Variants in CENPI observed in about 807,000 individuals in gnomAD.
CENPI encodes the protein centromere protein I, also known as FSH primary response 1.
Under a neutral mutation model 60.4 loss-of-function variants are expected in CENPI, and 4 were observed. The observed-to-expected ratio is 0.07, with a 90% CI of 0.03 to 0.15. The LOEUF is 0.15. Ranked by LOEUF, CENPI falls within the 10% of genes least tolerant of loss-of-function variation. The pLI, the probability that CENPI is intolerant of heterozygous loss-of-function variation, is 1.00. For missense variants in CENPI, 444 were observed against 534.5 expected, an observed-to-expected ratio of 0.83 and a Z score of 1.67; for synonymous variants, 157 against 189.4, an observed-to-expected ratio of 0.83 and a Z score of 1.40.
downstream of CENPI, among the ~76,000 whole-genome samples, chrX:101,170,370 C>G (rs1460202545): frequency 1.8e-5 from 2 of 111,699 alleles, no homozygotes; most frequent in Non-Finnish European, 3.8e-5. Context: ...AATCGCCTAA[C>G]ACATTTCTCA....
In CENPI at chrX:101,163,035, A is replaced by G; in HGVS notation, c.*68A>G. On this transcript the variant is annotated 3_prime_UTR_variant, in exon 22 of 22. Transcript: ENST00000682095. ...CCTCATTGCTAGAGCAAAGTGGCTC[A>G]TCTTGAGTTCCCATTTTCATTTCAC... The G allele has an allele frequency of 9.3e-7, 1 of 1,080,309 alleles. No homozygotes were observed. Among genetic ancestry groups the G allele is most frequent in the Non-Finnish European group, 1.3e-6 (1 of 791,199 alleles). The allele number at this position is 1,080,309 out of a possible 1,213,427, so 89.0% of individuals were successfully genotyped here. A position where few individuals can be genotyped will look rare whatever the true frequency, so the allele number is the denominator to read the frequency against.
At chrX:101,127,752 T>G in intron 11 of CENPI, 87 bp downstream of exon 11, 1 of 787,207 alleles carries the variant, frequency 1.3e-6, no homozygotes, top group Non-Finnish European at 1.8e-6. Context: ...GTTTTGTTTT[T>G]TTGAGATAGG....
intron 6 of CENPI, among the ~76,000 whole-genome samples, chrX:101,112,994 C>T (rs1437153619): frequency 9.2e-6 from 1 of 108,278 alleles, no homozygotes; most frequent in Non-Finnish European, 1.9e-5. Context: ...TCTCTATCCT[C>T]CTTTTTTTGG....
intron 4 of CENPI, 97 bp from the exon 5 acceptor site, chrX:101,109,376 C>G: frequency 1.4e-6 from 1 of 690,534 alleles, no homozygotes. Flanking sequence ...CTGCCGCGCC[C>G]AGCCTAATGT....
chrX:101,157,160 C>T (rs186858295), intron 20 of CENPI, among the ~76,000 whole-genome samples: 65 of 111,775 alleles, frequency 5.8e-4, no homozygotes, highest in Non-Finnish European at 1.9e-4. Flanking sequence ...TCCACGCCAA[C>T]ATCTATTTTT....
At chrX:101,175,394 G>A in the CENPI span, among the ~76,000 whole-genome samples, 1 of 112,058 alleles carries the variant, frequency 8.9e-6, no homozygotes, top group Admixed American at 9.5e-5. Context: ...TCGCAACTTA[G>A]CCTCTACAGT....
chrX:101,133,160 G>A (rs997652203), intron 15 of CENPI, among the ~76,000 whole-genome samples: 6 of 110,068 alleles, frequency 5.5e-5, no homozygotes, highest in Admixed American at 9.9e-5. Flanking sequence ...AGCGTTTGTC[G>A]TAATTGAATG....
Position 101,145,139 on chromosome X carries a change from A to C in CENPI, c.1641A>C (p.Ala547=). Residue 547 remains alanine (A), a synonymous_variant, in exon 17 of 22, where the codon GCA becomes GCC. Transcript: ENST00000682095. ...IHYVGWLSTT[A]MRLESNNTFL... ...ATGTAGGGTGGCTATCCACTACTGC[A>C]ATGCGCTTGGAGAGCAACAATACTT... 8.3e-7 allele frequency: 1 copy of C among 1,205,364 alleles called. No individual in the cohort carries two copies.
intron 2 of CENPI, 103 bp from the exon 3 acceptor site, chrX:101,100,955 T>C: frequency 4.0e-6 from 2 of 501,387 alleles, no homozygotes; most frequent in South Asian, 6.8e-5. Context: ...GCCTGTTGTA[T>C]GCTAGCTATT....
rs748991961 is a variant in CENPI, at chrX:101,163,026, AAGTGGCTCATCTTG to A, written c.*63_*76del. The stretch of plus-strand genomic sequence containing the variant: ...AAACTCACTCCTCATTGCTAGAGCA[AAGTGGCTCATCTTG>A]AGTTCCCATTTTCATTTCACTGACA... On this transcript the variant is annotated 3_prime_UTR_variant, in exon 22 of 22. Coordinates refer to ENST00000682095, the MANE Select transcript of CENPI (RefSeq NM_001386188.2). The A allele has an allele frequency of 3.5e-6, 4 of 1,127,545 alleles. No individual in the cohort carries two copies. In the African/African-American group the frequency reaches 7.3e-5, roughly 21 times the overall value. The allele number at this position is 1,127,545 out of a possible 1,213,427, so 92.9% of individuals were successfully genotyped here.
intron 6 of CENPI, among the ~76,000 whole-genome samples, chrX:101,113,282 T>C (rs2089576215): frequency 1.2e-5 from 1 of 84,003 alleles, no homozygotes; most frequent in African/African-American, 4.6e-5. Context: ...TCCATCCCTT[T>C]ACACACACAC....
rs1366706945 is a variant in CENPI, at chrX:101,120,388, TTA to T, written c.592-12_592-11del. 7.2e-6 allele frequency: 6 copies of T among 836,780 alleles called. No individual in the cohort carries two copies. Among genetic ancestry groups the T allele is most frequent in the Non-Finnish European group, 1.1e-5 (6 of 564,001 alleles). The allele number at this position is 836,780 out of a possible 1,213,427, so 69.0% of individuals were successfully genotyped here. A position where few individuals can be genotyped will look rare whatever the true frequency, so the allele number is the denominator to read the frequency against. On this transcript the variant is annotated splice_polypyrimidine_tract_variant and intron_variant, in intron 6 of 21. Coordinates refer to ENST00000682095, the MANE Select transcript of CENPI (RefSeq NM_001386188.2). ...TATTATCATTTCTCTTAATATTTTTTTATGTTTTAACAGTGCCCTTATGTTTG... is the reference window on the plus strand; with the variant it reads ...TATTATCATTTCTCTTAATATTTTTTTGTTTTAACAGTGCCCTTATGTTTG...
chrX:101,139,963 T>A (rs373944108), intron 15 of CENPI, among the ~76,000 whole-genome samples: 1 of 109,887 alleles, frequency 9.1e-6, no homozygotes. Flanking sequence ...GCCTCCCAAG[T>A]AGTTGGGACT....
At chrX:101,115,615 C>T (rs1311164802) in intron 6 of CENPI, among the ~76,000 whole-genome samples, 4 of 110,548 alleles carry the variant, frequency 3.6e-5, no homozygotes, top group Admixed American at 9.7e-5. Flanking sequence ...CCTCTTGCCT[C>T]GGCCTCCCAA....
chrX:101,102,605 C>T (rs942215119), intron 4 of CENPI, among the ~76,000 whole-genome samples, 194 bp downstream of exon 4: 1 of 109,510 alleles, frequency 9.1e-6, no homozygotes, highest in Non-Finnish European at 1.9e-5. Flanking sequence ...AAGTGATCCT[C>T]CCGCCTTGGC....
At chrX:101,161,495 CTTTGT>C (rs1299111589) in intron 20 of CENPI, 28 bp from the exon 21 acceptor site, 1 of 1,188,486 alleles carries the variant, frequency 8.4e-7, no homozygotes, top group East Asian at 3.0e-5. Context: ...TTTTGTTTTG[CTTTGT>C]TTTGTTTTTT....
chrX:101,158,413 G>T (rs1813522903), intron 20 of CENPI, among the ~76,000 whole-genome samples: 1 of 107,861 alleles, frequency 9.3e-6, no homozygotes, highest in Non-Finnish European at 1.9e-5. Flanking sequence ...GAATATCTGG[G>T]ATTACAGGCA....
chrX:101,137,774 G>A (rs2089861778), intron 15 of CENPI, among the ~76,000 whole-genome samples: 1 of 104,764 alleles, frequency 9.5e-6, no homozygotes, highest in African/African-American at 3.5e-5. Context: ...TCTCTGTGTG[G>A]CTTCAAGAAA....
chrX:101,125,367 C>A (rs758160400), intron 8 of CENPI, among the ~76,000 whole-genome samples: 1 of 111,538 alleles, frequency 9.0e-6, no homozygotes, highest in Admixed American at 9.6e-5. Flanking sequence ...TCTCTTTGAA[C>A]TTGTGCTTTG....
Sources: allele counts gnomAD v4.1 joint callset (sites outside exome capture counted in the v4.1 genomes callset), GRCh38; gene constraint gnomAD v4.1.1; transcripts MANE v1.5; gene names NCBI Gene and HGNC (gene_info 2026-07-23, HGNC 2026-07-21).